Variants in MAGI2 observed in about 807,000 individuals in gnomAD.
The protein encoded by MAGI2 is membrane-associated guanylate kinase, WW and PDZ domain-containing protein 2.
In MAGI2, 35 loss-of-function variants were observed where a neutral mutation model predicts 133.3. That is an observed-to-expected ratio of 0.26 (90% CI 0.20 to 0.35). The LOEUF (loss-of-function observed/expected upper bound fraction) is 0.35. Ranked by LOEUF, MAGI2 falls within the 10% of genes least tolerant of loss-of-function variation. MAGI2 has a pLI of 1.00. For missense variants in MAGI2, 1,636 were observed against 1,863.4 expected (o/e 0.88, Z 2.25); for synonymous variants, 729 against 710.6 (o/e 1.03, Z -0.41).
Position 78,133,059 on chromosome 7 carries a change from C to G in MAGI2, c.3033G>C (p.Glu1011Asp). 1 of 1,554,980 alleles carries G rather than the reference C, an allele frequency of 6.4e-7. No individual in the cohort carries two copies. The highest frequency in any genetic ancestry group is 8.7e-7 in the Non-Finnish European group (1 of 1,155,082). ...TGGGTGCCGAGGTGGGGCTGTTGAG[C>G]TCTGCGATGGAGAACCAAAGCGGCA... ...SVTLRIIPQE[E>D]LNSPTSAPSS... The change falls in exon 18 of 22, where the codon GAG becomes GAC. Residue 1011 changes from glutamate to aspartate, a missense_variant and splice_region_variant. Transcript: ENST00000354212.
At chr7:78,655,454 C>CAAAAAAAAAAAAAAAAAAAAACACCA (rs1812106185) in intron 2 of MAGI2, among the ~76,000 whole-genome samples, 1 of 64,950 alleles carries the variant, frequency 1.5e-5, no homozygotes, top group African/African-American at 6.3e-5. Flanking sequence ...AAAAAACAAC[C>CAAAAAAAAAAAAAAAAAAAAACACCA]AAAAAAAAAA....
At chr7:78,409,946 A>G (rs1797718448) in intron 6 of MAGI2, among the ~76,000 whole-genome samples, 1 of 152,080 alleles carries the variant, frequency 6.6e-6, no homozygotes, top group African/African-American at 2.4e-5. Context: ...ATTTGATTAG[A>G]AAGAGTAGAA....
intron 9 of MAGI2, among the ~76,000 whole-genome samples, chr7:78,281,764 A>ACCAACTTATCT (rs1241624288): frequency 8.1e-5 from 8 of 99,060 alleles, no homozygotes; most frequent in African/African-American, 2.6e-4. Flanking sequence ...GTGATATTTA[A>ACCAACTTATCT]CCAACTTATC....
chr7:78,779,825 A>G (rs1299202479), intron 2 of MAGI2, among the ~76,000 whole-genome samples: 1 of 152,132 alleles, frequency 6.6e-6, no homozygotes, highest in Non-Finnish European at 1.5e-5. Flanking sequence ...ATCCCTTTCA[A>G]TCCCCATGGT....
chr7:78,780,238 C>T (rs989181796), intron 2 of MAGI2, among the ~76,000 whole-genome samples: 1 of 152,168 alleles, frequency 6.6e-6, no homozygotes, highest in African/African-American at 2.4e-5. Context: ...AAATTTCAAG[C>T]TATCAAGTTA....
At chr7:79,372,163 G>A (rs544039412) in intron 1 of MAGI2, among the ~76,000 whole-genome samples, 2 of 152,162 alleles carry the variant, frequency 1.3e-5, no homozygotes, top group East Asian at 1.9e-4. Flanking sequence ...GCAGACCAAC[G>A]CATGGGAGAT....
At chr7:78,667,853 G>A (rs185052483) in intron 2 of MAGI2, among the ~76,000 whole-genome samples, 9 of 152,052 alleles carry the variant, frequency 5.9e-5, no homozygotes, top group Admixed American at 2.6e-4. Context: ...ATAAACATAC[G>A]TGTGCATGTG....
At chr7:78,850,381 T>C (rs1444057679) in intron 2 of MAGI2, among the ~76,000 whole-genome samples, 1 of 152,084 alleles carries the variant, frequency 6.6e-6, no homozygotes, top group Non-Finnish European at 1.5e-5. Context: ...AATAGGGATA[T>C]ACATCACTAA....
intron 16 of MAGI2, among the ~76,000 whole-genome samples, chr7:78,140,215 T>C (rs1584107270): frequency 6.6e-6 from 1 of 152,202 alleles, no homozygotes; most frequent in Non-Finnish European, 1.5e-5. Flanking sequence ...TTGAAGGACT[T>C]TTCTTGCTTT....
rs1554555812 is a variant in MAGI2 at position 78,754,370 on chromosome 7, CAAATAAAT to C, written c.419-127139_419-127132del. On this transcript the variant is annotated intron_variant, in intron 2 of 21. Transcript: ENST00000354212. Reference sequence around the variant, plus strand: ...TGGGCAGCAGAGCCAGACCCTGTCTCAAATAAATAAATAAATAAATAAATAAATAAATA... The same window carrying C: ...TGGGCAGCAGAGCCAGACCCTGTCTCAAATAAATAAATAAATAAATAAATA... 3.5e-3 allele frequency among the ~76,000 whole-genome samples: 511 copies of C among 147,282 alleles called. 2 individuals carry two copies. The highest frequency in any genetic ancestry group is 0.014 in the Middle Eastern group (4 of 290).
intron 2 of MAGI2, among the ~76,000 whole-genome samples, chr7:78,798,771 G>A (rs1246522650): frequency 6.6e-6 from 1 of 152,160 alleles, no homozygotes; most frequent in East Asian, 1.9e-4. Flanking sequence ...CAAGTAGAGA[G>A]CTCTGCAAAC....
chr7:79,344,069 C>A (rs1056317618), intron 1 of MAGI2, among the ~76,000 whole-genome samples: 7 of 152,136 alleles, frequency 4.6e-5, no homozygotes, highest in Admixed American at 1.3e-4. Flanking sequence ...ACTGGATAAA[C>A]TAGTTCAATG....
chr7:79,097,418 G>T (rs961799935), intron 1 of MAGI2, among the ~76,000 whole-genome samples: 3 of 152,170 alleles, frequency 2.0e-5, no homozygotes, highest in Admixed American at 2.0e-4. Context: ...TATAATGGGG[G>T]ATCTGTTATG....
chr7:78,405,359 A>C (rs1797277154), intron 6 of MAGI2, among the ~76,000 whole-genome samples: 1 of 152,150 alleles, frequency 6.6e-6, no homozygotes, highest in Non-Finnish European at 1.5e-5. Context: ...TAAAATAGTT[A>C]TAAGCCAGAT....
chr7:78,611,941 T>C (rs1806493465), intron 3 of MAGI2, among the ~76,000 whole-genome samples: 1 of 152,254 alleles, frequency 6.6e-6, no homozygotes, highest in Non-Finnish European at 1.5e-5. Flanking sequence ...CTTCTGTCTA[T>C]AATCCAAACT....
chr7:78,573,795 T>C (rs1464372619), intron 3 of MAGI2, among the ~76,000 whole-genome samples: 2 of 152,088 alleles, frequency 1.3e-5, no homozygotes, highest in Non-Finnish European at 2.9e-5. Flanking sequence ...TGGGTTTTTA[T>C]TGGAGGGTTC....
At chr7:78,162,879 A>T (rs559908956) in intron 15 of MAGI2, among the ~76,000 whole-genome samples, 8 of 152,100 alleles carry the variant, frequency 5.3e-5, no homozygotes, top group Non-Finnish European at 7.4e-5. Flanking sequence ...TCATTTTTCT[A>T]CTCATCTGGC....
intron 2 of MAGI2, among the ~76,000 whole-genome samples, chr7:78,984,522 C>T (rs745984755): frequency 5.3e-5 from 8 of 151,900 alleles, no homozygotes; most frequent in Non-Finnish European, 7.4e-5. Flanking sequence ...ACACCCACTA[C>T]GCCAAGTATG....
intron 3 of MAGI2, among the ~76,000 whole-genome samples, chr7:78,578,571 T>C (rs1024316604): frequency 6.6e-6 from 1 of 152,158 alleles, no homozygotes; most frequent in African/African-American, 2.4e-5. Flanking sequence ...ATTTTTATCC[T>C]TCTCTAAAGC....
Sources: gnomAD v4.1 joint callset for allele counts (sites outside exome capture counted in the v4.1 genomes callset) on GRCh38, gnomAD v4.1.1 for gene constraint, MANE v1.5 for transcripts, NCBI Gene and HGNC (gene_info 2026-07-23, HGNC 2026-07-21) for gene names.